Variants in GNA14 observed in about 807,000 individuals in gnomAD.
GNA14 encodes G protein subunit alpha 14.
A neutral mutation model predicts 42.0 loss-of-function variants in GNA14; 50 were observed. That is an observed-to-expected ratio of 1.19 (90% CI 0.95 to 1.51). The LOEUF is 1.51. GNA14 is among the 40% of genes most tolerant of loss of function. The pLI, the probability that GNA14 is intolerant of heterozygous loss-of-function variation, is 0.00. For synonymous variants in GNA14, 173 were observed against 163.1 expected (o/e 1.06, Z -0.46); for missense variants, 473 against 446.2 (o/e 1.06, Z -0.54).
intron 1 of GNA14, among the ~76,000 whole-genome samples, chr9:77,639,361 C>A (rs1187932438): frequency 6.6e-6 from 1 of 152,232 alleles, no homozygotes; most frequent in African/African-American, 2.4e-5. Context: ...GTACGTGCCT[C>A]ATTGGGTTGT....
chr9:77,527,663 C>A (rs1178769763), intron 2 of GNA14, among the ~76,000 whole-genome samples: 1 of 152,244 alleles, frequency 6.6e-6, no homozygotes, highest in South Asian at 2.1e-4. Context: ...GACGGAGTTT[C>A]GCTCTTGTTG....
At chr9:77,513,998 T>C (rs1309269218) in intron 2 of GNA14, among the ~76,000 whole-genome samples, 1 of 151,950 alleles carries the variant, frequency 6.6e-6, no homozygotes, top group Non-Finnish European at 1.5e-5. Context: ...AGCTGTCTGG[T>C]GTCTCTGCTT....
At chr9:77,520,785 A>G (rs966689384) in intron 2 of GNA14, among the ~76,000 whole-genome samples, 13 of 152,120 alleles carry the variant, frequency 8.5e-5, no homozygotes, top group African/African-American at 3.1e-4. Context: ...TAGTTTCTGG[A>G]TTGTTTGTAA....
chr9:77,466,483 A>G (rs1397962776), intron 2 of GNA14, among the ~76,000 whole-genome samples: 2 of 152,268 alleles, frequency 1.3e-5, no homozygotes, highest in South Asian at 4.1e-4. Context: ...ATTTCTATGT[A>G]TTCAGTCATT....
At chr9:77,487,480 T>C (rs1836681029) in intron 2 of GNA14, among the ~76,000 whole-genome samples, 1 of 137,402 alleles carries the variant, frequency 7.3e-6, no homozygotes, top group Non-Finnish European at 1.6e-5. Flanking sequence ...AAAATAGGAA[T>C]GCTATCTTAT....
chr9:77,573,726 C>T (rs1286222564), intron 1 of GNA14, among the ~76,000 whole-genome samples: 1 of 152,020 alleles, frequency 6.6e-6, no homozygotes, highest in East Asian at 1.9e-4. Flanking sequence ...AAGACAGTGG[C>T]CAAACGCAAT....
intron 2 of GNA14, among the ~76,000 whole-genome samples, chr9:77,436,905 A>T (rs537215775): frequency 6.6e-6 from 1 of 152,360 alleles, no homozygotes; most frequent in South Asian, 2.1e-4. Context: ...GAGTGAAAGC[A>T]TACTAGGGTG....
intron 2 of GNA14, among the ~76,000 whole-genome samples, chr9:77,478,463 T>C (rs887873380): frequency 9.8e-5 from 15 of 152,312 alleles, no homozygotes; most frequent in African/African-American, 3.6e-4. Context: ...GTCTTTGCTA[T>C]TGTGAATAGT....
At chr9:77,457,498 G>A (rs1836023365) in intron 2 of GNA14, among the ~76,000 whole-genome samples, 1 of 152,180 alleles carries the variant, frequency 6.6e-6, no homozygotes, top group Non-Finnish European at 1.5e-5. Flanking sequence ...CTCCATCAGT[G>A]TCTTATAGAC....
intron 1 of GNA14, among the ~76,000 whole-genome samples, chr9:77,547,648 TC>T (rs1837736239): frequency 6.6e-6 from 1 of 152,210 alleles, no homozygotes; most frequent in South Asian, 2.1e-4. Flanking sequence ...TTATTTTTTT[TC>T]TTGGCACTAA....
chr9:77,480,298 A>G (rs977889076), intron 2 of GNA14, among the ~76,000 whole-genome samples: 3 of 152,166 alleles, frequency 2.0e-5, no homozygotes, highest in Admixed American at 6.5e-5. Context: ...TTCTGCATCT[A>G]TTGAGATAAT....
chr9:77,615,702 T>TAC (rs59087574), intron 1 of GNA14, among the ~76,000 whole-genome samples: 5,576 of 134,334 alleles, frequency 0.042, 110 homozygotes, highest in Non-Finnish European at 0.053. Flanking sequence ...GAAAATGAAA[T>TAC]ACACACACAC....
chr9:77,478,925 T>C (rs946326017), intron 2 of GNA14, among the ~76,000 whole-genome samples: 7 of 152,350 alleles, frequency 4.6e-5, no homozygotes, highest in Admixed American at 4.6e-4. Flanking sequence ...TTCTGGATAT[T>C]AGCCCTTTGT....
chr9:77,610,202 A>G (rs73462061), intron 1 of GNA14, among the ~76,000 whole-genome samples: 5,543 of 152,110 alleles, frequency 0.036, 236 homozygotes, highest in African/African-American at 0.1. Context: ...AAAATCATGT[A>G]TTCTTCCTCT....
chr9:77,425,350 T>C (rs1001422208), intron 6 of GNA14, among the ~76,000 whole-genome samples: 19 of 151,924 alleles, frequency 1.3e-4, no homozygotes, highest in African/African-American at 4.6e-4. Context: ...TTGGTAAGGG[T>C]ATTCCAAGCA....
intron 2 of GNA14, among the ~76,000 whole-genome samples, chr9:77,516,806 C>A (rs182990847): frequency 6.6e-6 from 1 of 152,296 alleles, no homozygotes; most frequent in African/African-American, 2.4e-5. Flanking sequence ...TCAAGTTACA[C>A]CTTTGTGGAC....
chr9:77,618,613 TATATA>T (rs1208732939), intron 1 of GNA14, among the ~76,000 whole-genome samples: 159 of 13,972 alleles, frequency 0.011, 2 homozygotes, highest in East Asian at 0.018. Flanking sequence ...TATATATATA[TATATA>T]TATTTTTTTT....
intron 1 of GNA14, among the ~76,000 whole-genome samples, chr9:77,552,497 A>G (rs1253174057): frequency 6.6e-6 from 1 of 152,190 alleles, no homozygotes; most frequent in Non-Finnish European, 1.5e-5. Context: ...GTCCCAAGTT[A>G]CACCAACTGG....
chr9:77,643,223 AGTGG>A (rs1824295896), intron 1 of GNA14, among the ~76,000 whole-genome samples: 1 of 150,652 alleles, frequency 6.6e-6, no homozygotes, highest in Non-Finnish European at 1.5e-5. Flanking sequence ...TCTTCTTCAG[AGTGG>A]GAAGGTGTTG....
Sources: gnomAD v4.1 joint callset for allele counts (sites outside exome capture counted in the v4.1 genomes callset) on GRCh38, gnomAD v4.1.1 for gene constraint, MANE v1.5 for transcripts, NCBI Gene and HGNC (gene_info 2026-07-23, HGNC 2026-07-21) for gene names.